EIF3J: variants seen among roughly 807,000 people sequenced by gnomAD.
EIF3J encodes eukaryotic translation initiation factor 3 subunit J.
A neutral mutation model predicts 39.0 loss-of-function variants in EIF3J; 15 were observed. The ratio of observed to expected loss-of-function variants is 0.38; its 90% confidence interval spans 0.26 to 0.59. EIF3J has a LOEUF of 0.59. Ranked by LOEUF, EIF3J falls within the 20% of genes least tolerant of loss-of-function variation. The pLI, the probability that EIF3J is intolerant of heterozygous loss-of-function variation, is 0.60. For synonymous variants in EIF3J, 98 were observed against 112.9 expected (o/e 0.87, Z 0.84); for missense variants, 226 against 308.6 (o/e 0.73, Z 2.00).
chr15:44,539,214 C>T (rs568260054), intron 2 of EIF3J, among the ~76,000 whole-genome samples: 16 of 151,134 alleles, frequency 1.1e-4, no homozygotes, highest in Admixed American at 7.2e-4. Context: ...TTAGTAGAGA[C>T]GGGGTTTCGC....
In EIF3J at chr15:44,554,538, T is replaced by C. The variant is rs1225953609; in HGVS notation, c.295-15T>C. 1 of 1,577,808 alleles carries C rather than the reference T, an allele frequency of 6.3e-7. No individual in the cohort carries two copies. Among genetic ancestry groups the C allele is most frequent in the South Asian group, 1.1e-5 (1 of 86,966 alleles). On this transcript the variant is annotated splice_polypyrimidine_tract_variant and intron_variant, in intron 4 of 7. Transcript: ENST00000261868. ...ATAATCCCTGTGCTTTTTAAAAACT[T>C]TTGTCTCATTTTAGTTAGAAGAACC...
chr15:44,556,637 G>C (rs1463341742), intron 5 of EIF3J, among the ~76,000 whole-genome samples: 1 of 152,076 alleles, frequency 6.6e-6, no homozygotes, highest in African/African-American at 2.4e-5. Flanking sequence ...CTCCCAAGTA[G>C]CTGGGATTAC....
Position 44,561,518 on chromosome 15 carries a change from C to G in EIF3J, c.*369C>G, listed in dbSNP as rs1468018246. 1 of 163,626 alleles carries G rather than the reference C, an allele frequency of 6.1e-6. No individual in the cohort carries two copies. Among genetic ancestry groups the G allele is most frequent in the Non-Finnish European group, 1.3e-5 (1 of 74,464 alleles). The allele number at this position is 163,626 out of a possible 1,614,324, so 10.1% of individuals were successfully genotyped here. A position where few individuals can be genotyped will look rare whatever the true frequency, so the allele number is the denominator to read the frequency against. On this transcript the variant is annotated 3_prime_UTR_variant, in exon 8 of 8. Transcript: ENST00000261868. ...TTCAGTAATACAGCCTTAACCATAC[C>G]TCCTTGAACTACTTCATAACTTGTC...
At chr15:44,554,502 C>G in intron 4 of EIF3J, 51 bp from the exon 5 acceptor site, 1 of 1,061,058 alleles carries the variant, frequency 9.4e-7, no homozygotes, top group East Asian at 2.5e-5. Context: ...CAGAAAGGTA[C>G]TGAGTGCATC....
At chr15:44,554,454 T>C in intron 4 of EIF3J, 99 bp from the exon 5 acceptor site, 1 of 524,590 alleles carries the variant, frequency 1.9e-6, no homozygotes. Flanking sequence ...TCACTTTTAT[T>C]TGTTATTATA....
At chr15:44,538,846 G>A (rs1010503628) in intron 2 of EIF3J, among the ~76,000 whole-genome samples, 7 of 152,080 alleles carry the variant, frequency 4.6e-5, no homozygotes, top group African/African-American at 1.7e-4. Flanking sequence ...ATAGGAAGTG[G>A]CAGTTAAGAC....
Position 44,562,790 on chromosome 15 carries a change from C to A in EIF3J, c.*1641C>A. The A allele has an allele frequency of 4.1e-6, 1 of 241,014 alleles. No individual in the cohort carries two copies. Among genetic ancestry groups the A allele is most frequent in the Non-Finnish European group, 8.2e-6 (1 of 122,362 alleles). 14.9% of individuals were successfully genotyped at this position (241,014 alleles called of 1,614,324 possible). A position where few individuals can be genotyped will look rare whatever the true frequency, so the allele number is the denominator to read the frequency against. ...AACTGTGTAAATAATAATTAAATTT[C>A]TTTGAAACTGGAATCTGCAGGTACA... On this transcript the variant is annotated 3_prime_UTR_variant, in exon 8 of 8. Coordinates refer to ENST00000261868, the MANE Select transcript of EIF3J (RefSeq NM_003758.4).
At chr15:44,541,744 AGAGT>A (rs2082016225) in intron 2 of EIF3J, among the ~76,000 whole-genome samples, 2 of 152,214 alleles carry the variant, frequency 1.3e-5, no homozygotes, top group African/African-American at 4.8e-5. Flanking sequence ...TATTTTGAAG[AGAGT>A]GTGTGTATGT....
rs149722784 is a variant in EIF3J, at chr15:44,557,197, C to T, written c.410-292C>T. On this transcript the variant is annotated intron_variant, in intron 5 of 7. Transcript: ENST00000261868. Reference sequence around the variant, plus strand: ...TAATGGCAGGAGAGTGTGATCTCTCCTGGTAAGTCAAGTTTTGCTAATACC... The same window carrying T: ...TAATGGCAGGAGAGTGTGATCTCTCTTGGTAAGTCAAGTTTTGCTAATACC... 3.4e-3 allele frequency among the ~76,000 whole-genome samples: 517 copies of T among 152,134 alleles called. 2 individuals carry two copies. The highest frequency in any genetic ancestry group is 5.4e-3 in the Non-Finnish European group (368 of 68,010).
chr15:44,539,514 TCTC>T (rs1414717006), intron 2 of EIF3J, among the ~76,000 whole-genome samples: 1 of 149,518 alleles, frequency 6.7e-6, no homozygotes, highest in Non-Finnish European at 1.5e-5. Context: ...TTCACTCCAT[TCTC>T]CTGCCTCAGC....
At chr15:44,545,865 C>T (rs968882098) in intron 2 of EIF3J, among the ~76,000 whole-genome samples, 2 of 152,192 alleles carry the variant, frequency 1.3e-5, no homozygotes, top group African/African-American at 4.8e-5. Flanking sequence ...CTTAGTTTTT[C>T]ACTGAGATTG....
At chr15:44,560,374 G>A in intron 7 of EIF3J, 52 bp downstream of exon 7, 1 of 1,519,340 alleles carries the variant, frequency 6.6e-7, no homozygotes, top group Non-Finnish European at 9.0e-7. Flanking sequence ...TGGGGTTATA[G>A]GTCTAACAGT....
At chr15:44,546,371 G>A (rs2089935365) in intron 2 of EIF3J, among the ~76,000 whole-genome samples, 1 of 152,186 alleles carries the variant, frequency 6.6e-6, no homozygotes, top group South Asian at 2.1e-4. Context: ...CAGACTGTAT[G>A]ACAGCCTTAA....
chr15:44,561,117 G>A lies in EIF3J; in HGVS notation c.745G>A (p.Gly249Arg). Residue 249 changes from glycine to arginine, a missense_variant, in exon 8 of 8, where the codon GGA becomes AGA. Gly to Arg is a moderately radical substitution (Grantham distance 125). This residue lies in a region of EIF3J where 83 missense variants were observed against 152.6 expected (regional missense o/e 0.54). Coordinates refer to ENST00000261868, the MANE Select transcript of EIF3J (RefSeq NM_003758.4). Reference protein sequence around the residue: ...DLADYGGYDGGYVQDYEDFM With the variant: ...DLADYGGYDGRYVQDYEDFM Reference sequence around the variant, plus strand: ...GGCAGATTATGGTGGTTATGATGGAGGATATGTACAAGACTATGAAGACTT... The same window carrying A: ...GGCAGATTATGGTGGTTATGATGGAAGATATGTACAAGACTATGAAGACTT... 8.1e-6 allele frequency: 13 copies of A among 1,613,184 alleles called. No homozygotes were observed. The highest frequency in any genetic ancestry group is 2.2e-5 in the South Asian group (2 of 91,048).
At chr15:44,555,941 T>C (rs1021673755) in intron 5 of EIF3J, among the ~76,000 whole-genome samples, 1 of 152,060 alleles carries the variant, frequency 6.6e-6, no homozygotes, top group Non-Finnish European at 1.5e-5. Context: ...CACTGCAACC[T>C]CTGCCTCTGG....
At chr15:44,546,366 T>C (rs2082052880) in intron 2 of EIF3J, among the ~76,000 whole-genome samples, 1 of 152,228 alleles carries the variant, frequency 6.6e-6, no homozygotes, top group Admixed American at 6.5e-5. Flanking sequence ...GCTTGCAGAC[T>C]GTATGACAGC....
chr15:44,543,328 G>A (rs2082027172), intron 2 of EIF3J, among the ~76,000 whole-genome samples: 2 of 152,108 alleles, frequency 1.3e-5, no homozygotes, highest in African/African-American at 2.4e-5. Flanking sequence ...GCACTTTGGG[G>A]AGAGAGTGAC....
At chr15:44,537,870 A>G (rs772764849) in intron 2 of EIF3J, among the ~76,000 whole-genome samples, 1 of 152,236 alleles carries the variant, frequency 6.6e-6, no homozygotes, top group Non-Finnish European at 1.5e-5. Context: ...AGGTCTACTT[A>G]TACAGTTTGT....
At chr15:44,548,888 C>T (rs2082075363) in intron 2 of EIF3J, among the ~76,000 whole-genome samples, 1 of 152,058 alleles carries the variant, frequency 6.6e-6, no homozygotes, top group South Asian at 2.1e-4. Context: ...CACATTCAAA[C>T]CATAGCCCAG....
Sources: gnomAD v4.1 joint callset for allele counts (sites outside exome capture counted in the v4.1 genomes callset) on GRCh38, gnomAD v4.1.1 for gene constraint, gnomAD v4.1.1 regional missense constraint, MANE v1.5 for transcripts, NCBI Gene and HGNC (gene_info 2026-07-23, HGNC 2026-07-21) for gene names.